CNTNAP4: variants seen among roughly 807,000 people sequenced by gnomAD.
The protein encoded by CNTNAP4 is contactin-associated protein-like 4.
Under a neutral mutation model 148.4 loss-of-function variants are expected in CNTNAP4, and 98 were observed. The observed-to-expected ratio is 0.66, with a 90% CI of 0.56 to 0.78. The LOEUF (loss-of-function observed/expected upper bound fraction) is 0.78, where lower values mean the gene tolerates loss of function less well. Ranked by LOEUF, CNTNAP4 falls within the 30% of genes least tolerant of loss-of-function variation. The pLI, the probability that CNTNAP4 is intolerant of heterozygous loss-of-function variation, is 0.00. For missense variants in CNTNAP4, 1,935 were observed against 1,565.6 expected, an observed-to-expected ratio of 1.24 and a Z score of -3.98; for synonymous variants, 730 against 565.1, an observed-to-expected ratio of 1.29 and a Z score of -4.14.
chr16:76,338,491 C>T (rs1964200943), intron 2 of CNTNAP4, among the ~76,000 whole-genome samples: 1 of 152,148 alleles, frequency 6.6e-6, no homozygotes, highest in Non-Finnish European at 1.5e-5. Flanking sequence ...TCCAATCCTT[C>T]ACTGTGGCCT....
At chr16:76,388,094 A>T (rs894970165) in intron 3 of CNTNAP4, among the ~76,000 whole-genome samples, 2 of 152,214 alleles carry the variant, frequency 1.3e-5, no homozygotes, top group African/African-American at 4.8e-5. Context: ...GAATACATGA[A>T]AATCACCCTT....
At chr16:76,513,881 A>C (rs2083127100) in intron 15 of CNTNAP4, among the ~76,000 whole-genome samples, 1 of 152,200 alleles carries the variant, frequency 6.6e-6, no homozygotes, top group Non-Finnish European at 1.5e-5. Context: ...AAAGCTCAAA[A>C]TTCTGATTGG....
At chr16:76,489,097 T>C (rs2082122771) in intron 12 of CNTNAP4, among the ~76,000 whole-genome samples, 1 of 152,178 alleles carries the variant, frequency 6.6e-6, no homozygotes, top group South Asian at 2.1e-4. Context: ...TAAATGTTGA[T>C]TAAGGAGAGG....
At chr16:76,467,626 A>C in intron 10 of CNTNAP4, 103 bp downstream of exon 10, 1 of 944,928 alleles carries the variant, frequency 1.1e-6, no homozygotes, top group Non-Finnish European at 1.6e-6. Context: ...CCCCATTCTT[A>C]TCTGTTCCAC....
At chr16:76,446,574 ACAGT>A (rs889935864) in intron 4 of CNTNAP4, among the ~76,000 whole-genome samples, 23 of 152,256 alleles carry the variant, frequency 1.5e-4, no homozygotes, top group Middle Eastern at 3.4e-3. Context: ...AGTAGATAAG[ACAGT>A]CAGAAAGTTG....
chr16:76,485,376 C>G (rs142297390), intron 12 of CNTNAP4, among the ~76,000 whole-genome samples: 1,709 of 152,298 alleles, frequency 0.011, 23 homozygotes, highest in African/African-American at 0.039. Flanking sequence ...CTCAGCCTCC[C>G]AAAGTGCTGG....
chr16:76,465,568 A>G (rs887657815), intron 9 of CNTNAP4, among the ~76,000 whole-genome samples: 1 of 152,222 alleles, frequency 6.6e-6, no homozygotes, highest in African/African-American at 2.4e-5. Context: ...AAAGAAGATT[A>G]GCAGAGTTAT....
At chr16:76,346,857 C>A (rs1228915270) in intron 2 of CNTNAP4, among the ~76,000 whole-genome samples, 1 of 152,086 alleles carries the variant, frequency 6.6e-6, no homozygotes, top group Non-Finnish European at 1.5e-5. Flanking sequence ...CTTTTCAAAG[C>A]ACTGCATTAT....
chr16:76,370,359 A>G (rs920311548), intron 3 of CNTNAP4, among the ~76,000 whole-genome samples: 2 of 152,112 alleles, frequency 1.3e-5, no homozygotes, highest in Non-Finnish European at 2.9e-5. Context: ...GAAACAAGTT[A>G]CCTCAGAATG....
intron 1 of CNTNAP4, among the ~76,000 whole-genome samples, chr16:76,293,870 T>G (rs182202511): frequency 6.6e-6 from 1 of 151,574 alleles, no homozygotes; most frequent in African/African-American, 2.4e-5. Context: ...CGTGACTGAA[T>G]GTAGCATTTT....
chr16:76,354,215 A>G (rs2012256558), intron 2 of CNTNAP4, among the ~76,000 whole-genome samples: 1 of 152,228 alleles, frequency 6.6e-6, no homozygotes. Context: ...TACAATGATT[A>G]TATGTTACTT....
chr16:76,523,808 T>C (rs1247307873), intron 17 of CNTNAP4, among the ~76,000 whole-genome samples: 1 of 152,106 alleles, frequency 6.6e-6, no homozygotes. Context: ...GGCACTCGCC[T>C]GTAATCCCAG....
At chr16:76,467,276 T>G in intron 9 of CNTNAP4, 76 bp from the exon 10 acceptor site, 1 of 1,315,224 alleles carries the variant, frequency 7.6e-7, no homozygotes, top group Non-Finnish European at 1.1e-6. Flanking sequence ...TTTCTTTTAT[T>G]TTTTAAATGA....
intron 15 of CNTNAP4, among the ~76,000 whole-genome samples, chr16:76,503,072 A>G (rs1191833024): frequency 6.6e-6 from 1 of 152,182 alleles, no homozygotes; most frequent in Non-Finnish European, 1.5e-5. Flanking sequence ...TTGATATCAG[A>G]AATCAACTAG....
In CNTNAP4 at chr16:76,553,428, C is replaced by T. The variant is rs115991219; in HGVS notation, c.3588C>T (p.His1196=). 2.3e-3 allele frequency: 3,633 copies of T among 1,612,492 alleles called. 72 individuals carry two copies. The African/African-American group carries it at 0.039, about 17-fold the overall frequency. Residue 1196 remains histidine (H), a synonymous_variant, in exon 22 of 24, where the codon CAC becomes CAT. Transcript: ENST00000611870. ...CAGACCCTGTCACTGTTACAGGACACGTGACTGAGTCCAGCTGTATGGCCC... is the reference window on the plus strand; with the variant it reads ...CAGACCCTGTCACTGTTACAGGACATGTGACTGAGTCCAGCTGTATGGCCC... ...SHPDPVTVTG[H]VTESSCMAQP... is the part of the protein sequence containing the mutation.
At chr16:76,364,565 C>T (rs2013873063) in intron 3 of CNTNAP4, among the ~76,000 whole-genome samples, 1 of 152,094 alleles carries the variant, frequency 6.6e-6, no homozygotes, top group Non-Finnish European at 1.5e-5. Context: ...TTCTCTATTC[C>T]CTCTTACCAC....
chr16:76,346,704 G>C (rs897528171), intron 2 of CNTNAP4, among the ~76,000 whole-genome samples: 2 of 152,162 alleles, frequency 1.3e-5, no homozygotes, highest in African/African-American at 2.4e-5. Flanking sequence ...AAACCTATCT[G>C]TGGTAAAAAC....
intron 15 of CNTNAP4, among the ~76,000 whole-genome samples, chr16:76,520,589 G>A: frequency 6.6e-6 from 1 of 152,112 alleles, no homozygotes; most frequent in East Asian, 1.9e-4. Flanking sequence ...GACAGAGTAA[G>A]CTGCATGTTG....
chr16:76,345,931 C>G (rs1020233117), intron 2 of CNTNAP4, among the ~76,000 whole-genome samples: 1 of 152,160 alleles, frequency 6.6e-6, no homozygotes, highest in South Asian at 2.1e-4. Context: ...CTAATAATGT[C>G]CCTTCTTGCC....
Sources: gnomAD v4.1 joint callset for allele counts (sites outside exome capture counted in the v4.1 genomes callset) on GRCh38, gnomAD v4.1.1 for gene constraint, MANE v1.5 for transcripts, NCBI Gene and HGNC (gene_info 2026-07-23, HGNC 2026-07-21) for gene names.